Variants in UBE2L3 observed in about 807,000 individuals in gnomAD.
The protein encoded by UBE2L3 is ubiquitin conjugating enzyme E2 L3, also known as ubiquitin-conjugating enzyme E2 L3.
In UBE2L3, 1 loss-of-function variant was observed where a neutral mutation model predicts 17.8. That is an observed-to-expected ratio of 0.06 (90% confidence interval 0.02 to 0.27). UBE2L3 has a LOEUF of 0.27. Among genes scored for constraint, UBE2L3 ranks in the 10% least tolerant of loss-of-function variants. UBE2L3 has a pLI of 1.00. For synonymous variants in UBE2L3, 44 were observed against 68.5 expected, an observed-to-expected ratio of 0.64 and a Z score of 1.76; for missense variants, 40 against 192.6, an observed-to-expected ratio of 0.21 and a Z score of 4.69.
intron 1 of UBE2L3, among the ~76,000 whole-genome samples, chr22:21,576,408 C>T (rs544089887): frequency 5.1e-4 from 77 of 151,914 alleles, no homozygotes; most frequent in Non-Finnish European, 1.0e-3. Flanking sequence ...CGCCATTCTT[C>T]TGCCTCAGCC....
chr22:21,593,719 C>T (rs776971370), intron 2 of UBE2L3, among the ~76,000 whole-genome samples: 5 of 152,198 alleles, frequency 3.3e-5, no homozygotes, highest in Non-Finnish European at 5.9e-5. Context: ...CAGGCTGCCC[C>T]CACTGTTGTC....
At chr22:21,558,454 A>G (rs1461343765) in intron 1 of UBE2L3, among the ~76,000 whole-genome samples, 1 of 152,192 alleles carries the variant, frequency 6.6e-6, no homozygotes, top group Non-Finnish European at 1.5e-5. Flanking sequence ...AACACGGTGA[A>G]ACCCCGTCTC....
chr22:21,577,032 A>G (rs1213920760), intron 1 of UBE2L3, among the ~76,000 whole-genome samples: 3 of 147,634 alleles, frequency 2.0e-5, no homozygotes, highest in African/African-American at 7.6e-5. Flanking sequence ...GCAGTGGTAC[A>G]GTCTTGGCTC....
At chr22:21,598,139 T>C (rs1928652190) in intron 2 of UBE2L3, among the ~76,000 whole-genome samples, 1 of 149,624 alleles carries the variant, frequency 6.7e-6, no homozygotes, top group Admixed American at 6.8e-5. Context: ...TTTCCTTTTA[T>C]CAGTCTAGCT....
At chr22:21,596,133 G>T (rs1284484573) in intron 2 of UBE2L3, among the ~76,000 whole-genome samples, 1 of 152,096 alleles carries the variant, frequency 6.6e-6, no homozygotes, top group Admixed American at 6.6e-5. Flanking sequence ...CAAAGTGCTG[G>T]GATTACAAGC....
chr22:21,614,945 G>A (rs1224053753), intron 3 of UBE2L3, among the ~76,000 whole-genome samples: 5 of 151,084 alleles, frequency 3.3e-5, no homozygotes, highest in South Asian at 2.1e-4. Flanking sequence ...CCTGAGGTCC[G>A]GAGTTCAAGA....
chr22:21,596,876 T>TA (rs374577993), intron 2 of UBE2L3, among the ~76,000 whole-genome samples: 22 of 152,242 alleles, frequency 1.4e-4, no homozygotes, highest in Admixed American at 1.4e-3. Flanking sequence ...GTTTTTACGT[T>TA]ACAGCCATTC....
rs370983692 is a variant in UBE2L3 at position 21,574,737 on chromosome 22, T to C, written c.27+6966T>C. Among the ~76,000 whole-genome samples, 150 of 151,982 alleles carry C rather than the reference T, an allele frequency of 9.9e-4. 1 individual carries two copies. Among genetic ancestry groups the C allele is most frequent in the African/African-American group, 3.4e-3 (142 of 41,446 alleles). On this transcript the variant is annotated intron_variant, in intron 1 of 3. Transcript: ENST00000342192. ...ATCCTAGCACCTTGGGAGGCCGAGG[T>C]GGGCGGATCATGAGGTCAGGAGATT...
chr22:21,572,724 C>T (rs950101067), intron 1 of UBE2L3, among the ~76,000 whole-genome samples: 10 of 152,120 alleles, frequency 6.6e-5, no homozygotes, highest in African/African-American at 2.2e-4. Flanking sequence ...AGCCAGACTC[C>T]AACCACTTCC....
intron 1 of UBE2L3, among the ~76,000 whole-genome samples, chr22:21,589,338 G>A (rs1181864670): frequency 6.6e-6 from 1 of 150,600 alleles, no homozygotes; most frequent in Non-Finnish European, 1.5e-5. Context: ...TAATAGAGAC[G>A]GGGTTTCACC....
At chr22:21,604,909 C>T (rs993168999) in intron 2 of UBE2L3, among the ~76,000 whole-genome samples, 2 of 152,188 alleles carry the variant, frequency 1.3e-5, no homozygotes, top group Admixed American at 6.6e-5. Context: ...GAGGCCTGGC[C>T]TGCCTCATGT....
intron 1 of UBE2L3, among the ~76,000 whole-genome samples, chr22:21,573,913 C>T (rs1927118892): frequency 6.6e-6 from 1 of 152,234 alleles, no homozygotes. Context: ...AGACCTCCCT[C>T]TGCCAGGCCA....
At chr22:21,557,980 T>A (rs187560863) in intron 1 of UBE2L3, among the ~76,000 whole-genome samples, 32 of 149,174 alleles carry the variant, frequency 2.1e-4, no homozygotes, top group African/African-American at 7.4e-4. Flanking sequence ...ACCATCCCAG[T>A]ACATAATGAC....
intron 1 of UBE2L3, among the ~76,000 whole-genome samples, chr22:21,574,627 T>G (rs181360): frequency 0.22 from 33,221 of 151,850 alleles, 4,415 homozygotes; most frequent in East Asian, 0.51. Flanking sequence ...ATTCTGTAGG[T>G]TGGAGAAAGA....
chr22:21,556,709 G>A (rs1245957255), intron 1 of UBE2L3, among the ~76,000 whole-genome samples: 1 of 146,814 alleles, frequency 6.8e-6, no homozygotes, highest in Non-Finnish European at 1.5e-5. Context: ...CAATCCACCT[G>A]CCTCGGCCTC....
chr22:21,561,450 T>C, intron 1 of UBE2L3, among the ~76,000 whole-genome samples: 1 of 152,282 alleles, frequency 6.6e-6, no homozygotes, highest in Non-Finnish European at 1.5e-5. Flanking sequence ...GGCATGGAGG[T>C]GTGCACCTGT....
At chr22:21,603,911 T>A (rs1398933897) in intron 2 of UBE2L3, among the ~76,000 whole-genome samples, 1 of 147,328 alleles carries the variant, frequency 6.8e-6, no homozygotes, top group East Asian at 2.0e-4. Context: ...TTTTTGATTT[T>A]TTTTTTTTTT....
upstream of UBE2L3, chr22:21,567,569 C>A: frequency 7.2e-7 from 1 of 1,390,004 alleles, no homozygotes; most frequent in South Asian, 1.5e-5. Context: ...CCAGTCTGTG[C>A]GGTTCACTTG....
chr22:21,590,991 G>T (rs895564970), intron 1 of UBE2L3, among the ~76,000 whole-genome samples: 1 of 152,172 alleles, frequency 6.6e-6, no homozygotes, highest in Non-Finnish European at 1.5e-5. Context: ...GTGGAAGGAG[G>T]TGGCAGTGTG....
Sources: gnomAD v4.1 joint callset for allele counts (sites outside exome capture counted in the v4.1 genomes callset) on GRCh38, gnomAD v4.1.1 for gene constraint, MANE v1.5 for transcripts, NCBI Gene and HGNC (gene_info 2026-07-23, HGNC 2026-07-21) for gene names.